Variants in ETV6 observed in about 807,000 individuals in gnomAD.
The protein encoded by ETV6 is transcription factor ETV6.
A neutral mutation model predicts 51.1 loss-of-function variants in ETV6; 16 were observed. The observed-to-expected ratio is 0.31, with a 90% CI of 0.21 to 0.48. ETV6 has a LOEUF of 0.48. Among genes scored for constraint, ETV6 ranks in the 20% least tolerant of loss-of-function variants. The pLI is 0.99. For missense variants in ETV6, 458 were observed against 594.8 expected (o/e 0.77, Z 2.39); for synonymous variants, 240 against 224.1 (o/e 1.07, Z -0.64).
intron 1 of ETV6, among the ~76,000 whole-genome samples, chr12:11,747,270 G>C (rs12427410): frequency 6.6e-6 from 1 of 152,160 alleles, no homozygotes; most frequent in Non-Finnish European, 1.5e-5. Context: ...ACACCATTTG[G>C]CTTGTAAAAA....
intron 2 of ETV6, among the ~76,000 whole-genome samples, chr12:11,804,169 A>T (rs1945792701): frequency 6.6e-6 from 1 of 152,170 alleles, no homozygotes; most frequent in South Asian, 2.1e-4. Context: ...AACAGATATG[A>T]CCCCTGCCTT....
At chr12:11,878,082 C>T (rs2136569124) in intron 5 of ETV6, among the ~76,000 whole-genome samples, 1 of 152,190 alleles carries the variant, frequency 6.6e-6, no homozygotes, top group East Asian at 1.9e-4. Flanking sequence ...TACTTTTGTG[C>T]TCCTGCTTCC....
In ETV6 at chr12:11,704,472, G is replaced by A. The variant is rs183955273; in HGVS notation, c.34-47978G>A. On this transcript the variant is annotated intron_variant, in intron 1 of 7. Coordinates refer to ENST00000396373, the MANE Select transcript of ETV6 (RefSeq NM_001987.5). ...AGCGATTCTCCTGTCCCAGCCTCCCGAGCAGCTGGGATTACAGGTGCACGC... is the reference window on the plus strand; with the variant it reads ...AGCGATTCTCCTGTCCCAGCCTCCCAAGCAGCTGGGATTACAGGTGCACGC... Among the ~76,000 whole-genome samples the A allele has an allele frequency of 2.3e-3, 348 of 152,002 alleles. 3 individuals are homozygous for A. Among genetic ancestry groups the A allele is most frequent in the Middle Eastern group, 0.02 (6 of 294 alleles).
At chr12:11,876,944 T>G (rs566084559) in intron 5 of ETV6, among the ~76,000 whole-genome samples, 5 of 152,314 alleles carry the variant, frequency 3.3e-5, no homozygotes, top group African/African-American at 1.2e-4. Flanking sequence ...TTTTGTGACT[T>G]TAAAAAATAC....
chr12:11,731,342 G>A (rs1865593321), intron 1 of ETV6, among the ~76,000 whole-genome samples: 1 of 152,184 alleles, frequency 6.6e-6, no homozygotes, highest in Non-Finnish European at 1.5e-5. Context: ...TTAAGTGTGA[G>A]TATTTGTCTT....
chr12:11,697,304 C>G (rs1434936271), intron 1 of ETV6, among the ~76,000 whole-genome samples: 1 of 152,142 alleles, frequency 6.6e-6, no homozygotes, highest in Non-Finnish European at 1.5e-5. Context: ...TGTAACTTCA[C>G]AGAAATGCTT....
At chr12:11,883,861 C>T (rs1236010536) in intron 5 of ETV6, among the ~76,000 whole-genome samples, 1 of 152,164 alleles carries the variant, frequency 6.6e-6, no homozygotes, top group Non-Finnish European at 1.5e-5. Context: ...AGCCACAGTT[C>T]CCACAGTCAG....
chr12:11,885,690 G>A (rs942195020), intron 6 of ETV6, among the ~76,000 whole-genome samples: 5 of 152,124 alleles, frequency 3.3e-5, no homozygotes, highest in South Asian at 2.1e-4. Context: ...CCAGGACTTC[G>A]GACAAAGGGT....
intron 2 of ETV6, among the ~76,000 whole-genome samples, chr12:11,823,861 C>T (rs1289686029): frequency 6.6e-6 from 1 of 152,134 alleles, no homozygotes; most frequent in Non-Finnish European, 1.5e-5. Context: ...CTGCCAGTGC[C>T]CTTTGAGGCT....
At position 11,705,805 on chromosome 12, in the gene ETV6, C is replaced by T. The variant is rs144445128; in HGVS notation, c.34-46645C>T. Among the ~76,000 whole-genome samples, 14 of 152,304 alleles carry T rather than the reference C, an allele frequency of 9.2e-5. No homozygotes were observed. In the East Asian group the frequency reaches 2.5e-3, roughly 27 times the overall value. The stretch of plus-strand genomic sequence containing the variant: ...TAAGCCCCTGTCTGCCCACTCAAAC[C>T]CTCTGGCCACCACTGTACTCTCTCC... On this transcript the variant is annotated intron_variant, in intron 1 of 7. Transcript: ENST00000396373.
chr12:11,751,284 T>G (rs1476777141), intron 1 of ETV6: 1 of 515,022 alleles, frequency 1.9e-6, no homozygotes, highest in Non-Finnish European at 3.9e-6. Context: ...GAACTATCTT[T>G]CCAAAACGTA....
intron 2 of ETV6, among the ~76,000 whole-genome samples, chr12:11,825,063 G>A (rs936374009): frequency 7.9e-5 from 12 of 152,158 alleles, no homozygotes; most frequent in African/African-American, 2.2e-4. Flanking sequence ...TCAAGAAAGC[G>A]TGCCAAAACA....
chr12:11,676,329 A>T (rs1406840321), intron 1 of ETV6, among the ~76,000 whole-genome samples: 1 of 152,142 alleles, frequency 6.6e-6, no homozygotes, highest in Non-Finnish European at 1.5e-5. Context: ...TCCCTCCCCC[A>T]GTCCCAGATC....
chr12:11,736,271 T>C (rs1330576294), intron 1 of ETV6, among the ~76,000 whole-genome samples: 1 of 152,248 alleles, frequency 6.6e-6, no homozygotes, highest in Non-Finnish European at 1.5e-5. Flanking sequence ...TATCAGGCAC[T>C]GTTCTTGGAG....
At chr12:11,714,863 C>T (rs1044835306) in intron 1 of ETV6, among the ~76,000 whole-genome samples, 2 of 151,838 alleles carry the variant, frequency 1.3e-5, no homozygotes, top group Non-Finnish European at 2.9e-5. Flanking sequence ...ATCACAAAGA[C>T]GGTTAGAAGG....
intron 1 of ETV6, among the ~76,000 whole-genome samples, chr12:11,732,181 A>C (rs560442909): frequency 3.3e-5 from 5 of 152,264 alleles, no homozygotes; most frequent in Non-Finnish European, 5.9e-5. Flanking sequence ...ACACAGTCGC[A>C]GAACTAGTGC....
intron 1 of ETV6, chr12:11,751,901 G>A (rs1241961470): frequency 6.3e-6 from 3 of 475,714 alleles, no homozygotes; most frequent in African/African-American, 2.0e-5. Flanking sequence ...TGAGATAGGT[G>A]GACAATAGAA....
At chr12:11,752,712 C>A in intron 2 of ETV6, 133 bp downstream of exon 2, 1 of 1,176,566 alleles carries the variant, frequency 8.5e-7, no homozygotes, top group Non-Finnish European at 1.2e-6. Context: ...GCTTTGGAAT[C>A]TTTCACACCC....
chr12:11,671,450 C>T (rs1344425247), intron 1 of ETV6, among the ~76,000 whole-genome samples: 1 of 151,978 alleles, frequency 6.6e-6, no homozygotes, highest in East Asian at 1.9e-4. Context: ...TCATGTTAAT[C>T]GATTGTACAT....
Sources: gnomAD v4.1 joint callset for allele counts (sites outside exome capture counted in the v4.1 genomes callset) on GRCh38, gnomAD v4.1.1 for gene constraint, MANE v1.5 for transcripts, NCBI Gene and HGNC (gene_info 2026-07-23, HGNC 2026-07-21) for gene names.